Variants in COL5A2 observed in about 807,000 individuals in gnomAD.
The protein encoded by COL5A2 is collagen alpha-2(V) chain.
Under a neutral mutation model 208.2 loss-of-function variants are expected in COL5A2, and 23 were observed. The observed-to-expected ratio is 0.11, with a 90% CI of 0.08 to 0.16. The LOEUF is 0.16. COL5A2 is among the 10% of genes least tolerant of loss of function. The probability of loss-of-function intolerance (pLI) is 1.00; values close to 1 mark genes in which losing one functional copy is unlikely to be tolerated. For missense variants in COL5A2, 1,590 were observed against 1,956.4 expected (o/e 0.81, Z 3.53); for synonymous variants, 625 against 628.5 (o/e 0.99, Z 0.08).
At chr2:189,385,831 T>C in the COL5A2 span, among the ~76,000 whole-genome samples, 1 of 152,018 alleles carries the variant, frequency 6.6e-6, no homozygotes, top group African/African-American at 2.4e-5. Flanking sequence ...GCACAATAAG[T>C]ACCAGGTAGA....
At chr2:189,074,096 A>G (rs1686343342) in intron 17 of COL5A2, among the ~76,000 whole-genome samples, 1 of 152,076 alleles carries the variant, frequency 6.6e-6, no homozygotes, top group Non-Finnish European at 1.5e-5. Flanking sequence ...TTTGTTTATA[A>G]TTTACATTTG....
chr2:189,280,942 A>G, the COL5A2 span, among the ~76,000 whole-genome samples: 20 of 151,976 alleles, frequency 1.3e-4, no homozygotes, highest in African/African-American at 4.3e-4. Flanking sequence ...AGGTCAGTGC[A>G]AAAGTTATTG....
At chr2:189,042,848 T>C in intron 48 of COL5A2, 75 bp from the exon 49 acceptor site, 2 of 1,391,588 alleles carry the variant, frequency 1.4e-6, no homozygotes, top group Non-Finnish European at 1.0e-6. Flanking sequence ...AAATGTGCTA[T>C]CATTGACTTT....
At chr2:189,170,372 TCTC>T (rs1006618424) in intron 1 of COL5A2, among the ~76,000 whole-genome samples, 2 of 152,148 alleles carry the variant, frequency 1.3e-5, no homozygotes, top group African/African-American at 2.4e-5. Context: ...ATAGTCCCTA[TCTC>T]CCAGGAAACT....
the COL5A2 span, among the ~76,000 whole-genome samples, chr2:189,330,004 A>G: frequency 6.6e-6 from 1 of 152,168 alleles, no homozygotes; most frequent in African/African-American, 2.4e-5. Context: ...ATTAATAGGA[A>G]TAAGGAAAAA....
At chr2:189,228,345 C>G (rs961395160), upstream of COL5A2, among the ~76,000 whole-genome samples, 2 of 151,060 alleles carry the variant, frequency 1.3e-5, no homozygotes, top group African/African-American at 2.4e-5. Flanking sequence ...AATAGAAAAA[C>G]CATAGAAAAA....
At chr2:189,242,126 G>A in the COL5A2 span, among the ~76,000 whole-genome samples, 3 of 152,092 alleles carry the variant, frequency 2.0e-5, no homozygotes, top group African/African-American at 7.2e-5. Flanking sequence ...TATGTATAGT[G>A]TGAACATTTT....
At chr2:189,249,362 T>G in the COL5A2 span, among the ~76,000 whole-genome samples, 1 of 152,200 alleles carries the variant, frequency 6.6e-6, no homozygotes, top group Non-Finnish European at 1.5e-5. Flanking sequence ...GTGTATGTTA[T>G]GGCAAAACTC....
At chr2:189,358,018 C>T in the COL5A2 span, among the ~76,000 whole-genome samples, 3 of 152,234 alleles carry the variant, frequency 2.0e-5, no homozygotes, top group Middle Eastern at 3.4e-3. Context: ...TGAGGTGACA[C>T]CCCACCCTGC....
the COL5A2 span, among the ~76,000 whole-genome samples, chr2:189,437,595 A>T: frequency 2.0e-5 from 3 of 152,250 alleles, no homozygotes; most frequent in East Asian, 5.8e-4. Flanking sequence ...TAAATGGAAC[A>T]TAACCCGCTT....
chr2:189,257,104 A>G, the COL5A2 span, among the ~76,000 whole-genome samples: 1 of 152,212 alleles, frequency 6.6e-6, no homozygotes, highest in Non-Finnish European at 1.5e-5. Context: ...AGTACCTAGA[A>G]GGAAAGTCTA....
Position 189,067,916 on chromosome 2 carries a change from A to T in COL5A2, c.1401+99T>A, listed in dbSNP as rs112181185. The T allele has an allele frequency of 2.1e-4, 209 of 1,005,474 alleles. 1 individual carries two copies. In the African/African-American group the frequency reaches 2.5e-3, roughly 12 times the overall value. 62.3% of individuals were successfully genotyped at this position (1,005,474 alleles called of 1,614,324 possible). ...CCATCTTCCCACATTTGGATAAGTC[A>T]CGTTATCTATGTTTCATTGCATCAC... On this transcript the variant is annotated intron_variant, in intron 21 of 53. Transcript: ENST00000374866.
the COL5A2 span, among the ~76,000 whole-genome samples, chr2:189,374,408 C>A: frequency 6.6e-6 from 1 of 151,444 alleles, no homozygotes; most frequent in African/African-American, 2.4e-5. Flanking sequence ...CTATTAACAA[C>A]AAATCAACCA....
chr2:189,205,974 C>T (rs1476934419), intron 1 of COL5A2, among the ~76,000 whole-genome samples: 3 of 152,156 alleles, frequency 2.0e-5, no homozygotes, highest in Non-Finnish European at 4.4e-5. Flanking sequence ...AAGCTCCTCC[C>T]CATTTAACAA....
intron 7 of COL5A2, 70 bp from the exon 8 acceptor site, chr2:189,088,842 A>T (rs1455150526): frequency 9.1e-7 from 1 of 1,102,550 alleles, no homozygotes; most frequent in East Asian, 2.3e-5. Flanking sequence ...TCATATGGAT[A>T]AATGTACACT....
intron 45 of COL5A2, 130 bp from the exon 46 acceptor site, chr2:189,046,037 T>G: frequency 1.8e-6 from 1 of 565,128 alleles, no homozygotes; most frequent in Non-Finnish European, 3.0e-6. Flanking sequence ...TTACTTATTA[T>G]TTTAACTATT....
the COL5A2 span, among the ~76,000 whole-genome samples, chr2:189,345,027 C>T: frequency 6.6e-6 from 1 of 152,160 alleles, no homozygotes; most frequent in African/African-American, 2.4e-5. Context: ...AGGCTTTATG[C>T]ATGTGCTGCA....
chr2:189,093,176 G>C lies in COL5A2; in HGVS notation c.457-756C>G, dbSNP rs182660203. 1.1e-4 allele frequency among the ~76,000 whole-genome samples: 17 copies of C among 152,246 alleles called. No individual in the cohort carries two copies. In the East Asian group the frequency reaches 2.3e-3, roughly 21 times the overall value. ...ACCCACATTCTGAAGGCAGCTTGGG[G>C]AACAGCCACGTCCTCAGTTCTGGAA... is the stretch of plus-strand genomic sequence containing the variant. On this transcript the variant is annotated intron_variant, in intron 6 of 53. Coordinates refer to ENST00000374866, the MANE Select transcript of COL5A2 (RefSeq NM_000393.5).
the COL5A2 span, among the ~76,000 whole-genome samples, chr2:189,331,488 T>A: frequency 6.6e-6 from 1 of 152,300 alleles, no homozygotes; most frequent in Non-Finnish European, 1.5e-5. Context: ...GGCAGATATT[T>A]CCCTTGCTGT....
Sources: allele counts gnomAD v4.1 joint callset (sites outside exome capture counted in the v4.1 genomes callset), GRCh38; gene constraint gnomAD v4.1.1; transcripts MANE v1.5; gene names NCBI Gene and HGNC (gene_info 2026-07-23, HGNC 2026-07-21).